The following CCDC7 variants were observed in gnomAD, a reference collection of about 807,000 sequenced individuals.
CCDC7 encodes the protein coiled-coil domain-containing protein 7.
CCDC7 carries 183 observed loss-of-function variants against 196.9 expected under a neutral mutation model. That is an observed-to-expected ratio of 0.93 (90% CI 0.82 to 1.05). The LOEUF (loss-of-function observed/expected upper bound fraction) is 1.05. Ranked by LOEUF, CCDC7 falls within the 50% of genes least tolerant of loss-of-function variation. The pLI is 0.00. For missense variants in CCDC7, 1,540 were observed against 1,482.2 expected (o/e 1.04, Z -0.64); for synonymous variants, 525 against 484.6 (o/e 1.08, Z -1.10).
intron 32 of CCDC7, among the ~76,000 whole-genome samples, chr10:32,828,409 G>A (rs987198988): frequency 1.4e-5 from 2 of 138,612 alleles, no homozygotes; most frequent in African/African-American, 2.7e-5. Flanking sequence ...AGAAGGAGAA[G>A]GAGAAGGAGA....
chr10:32,583,641 A>G (rs2058955052), intron 17 of CCDC7, among the ~76,000 whole-genome samples: 1 of 152,082 alleles, frequency 6.6e-6, no homozygotes, highest in African/African-American at 2.4e-5. Flanking sequence ...ATTTTTATAC[A>G]ATAAGATGAT....
chr10:32,531,962 A>G (rs1421012140), intron 11 of CCDC7, among the ~76,000 whole-genome samples: 1 of 152,012 alleles, frequency 6.6e-6, no homozygotes, highest in Non-Finnish European at 1.5e-5. Flanking sequence ...AAGGCTTATC[A>G]ATGTTGTTTA....
chr10:32,795,712 C>G (rs1271677806), intron 29 of CCDC7, among the ~76,000 whole-genome samples: 1 of 152,082 alleles, frequency 6.6e-6, no homozygotes, highest in Admixed American at 6.6e-5. Context: ...GATACATTTG[C>G]TTAGAGATTC....
At chr10:32,592,532 TTTTCA>T in intron 18 of CCDC7, among the ~76,000 whole-genome samples, 1 of 150,882 alleles carries the variant, frequency 6.6e-6, no homozygotes, top group East Asian at 2.0e-4. Context: ...TTTATTTTTG[TTTTCA>T]TTTATCTCAA....
intron 29 of CCDC7, among the ~76,000 whole-genome samples, chr10:32,801,818 G>A (rs886237558): frequency 2.0e-5 from 3 of 152,190 alleles, no homozygotes; most frequent in African/African-American, 7.2e-5. Flanking sequence ...TGATGGCAGC[G>A]TGGGTCATAG....
chr10:32,584,326 A>C (rs2059023790), intron 18 of CCDC7, 22 bp downstream of exon 19: 1 of 1,484,522 alleles, frequency 6.7e-7, no homozygotes, highest in African/African-American at 1.4e-5. Flanking sequence ...CTGTTTTGGA[A>C]GATGAAAATG....
intron 23 of CCDC7, among the ~76,000 whole-genome samples, chr10:32,692,633 T>C (rs931370165): frequency 8.5e-5 from 13 of 152,178 alleles, no homozygotes; most frequent in African/African-American, 2.9e-4. Context: ...CCCTGCTCTT[T>C]GTGGTAGTTT....
chr10:32,589,210 T>C (rs1190232236), intron 18 of CCDC7, among the ~76,000 whole-genome samples: 2 of 152,132 alleles, frequency 1.3e-5, no homozygotes, highest in African/African-American at 4.8e-5. Flanking sequence ...AGTTCAATTG[T>C]TTTAATTTTT....
intron 29 of CCDC7, among the ~76,000 whole-genome samples, chr10:32,803,459 C>T (rs1008297558): frequency 7.9e-5 from 12 of 151,932 alleles, no homozygotes; most frequent in Non-Finnish European, 7.4e-5. Context: ...TTGTTATATC[C>T]TCTCTCTGGA....
chr10:32,803,696 C>T (rs1407268602), intron 29 of CCDC7, among the ~76,000 whole-genome samples: 1 of 152,052 alleles, frequency 6.6e-6, no homozygotes, highest in African/African-American at 2.4e-5. Flanking sequence ...TTCTGTCTGT[C>T]TATATCTTTT....
At chr10:32,672,911 C>T (rs933834708) in intron 21 of CCDC7, among the ~76,000 whole-genome samples, 1 of 152,160 alleles carries the variant, frequency 6.6e-6, no homozygotes, top group Admixed American at 6.5e-5. Context: ...TTGCTATCTC[C>T]TCTGCCATCT....
At chr10:32,720,640 A>T (rs2082274972) in intron 25 of CCDC7, among the ~76,000 whole-genome samples, 1 of 152,166 alleles carries the variant, frequency 6.6e-6, no homozygotes, top group Non-Finnish European at 1.5e-5. Flanking sequence ...ATAGAATCTT[A>T]TGTAAACATC....
intron 23 of CCDC7, among the ~76,000 whole-genome samples, chr10:32,690,106 C>T (rs929324509): frequency 6.6e-6 from 1 of 152,140 alleles, no homozygotes; most frequent in African/African-American, 2.4e-5. Flanking sequence ...AGATGTCACC[C>T]CTTAGAAATC....
At chr10:32,449,424 G>T (rs2032382124), upstream of CCDC7, among the ~76,000 whole-genome samples, 1 of 152,120 alleles carries the variant, frequency 6.6e-6, no homozygotes, top group Non-Finnish European at 1.5e-5. Context: ...CTGACCTTGG[G>T]ATCCACCCGC....
chr10:32,462,062 C>T (rs2035860241), intron 3 of CCDC7, among the ~76,000 whole-genome samples: 1 of 151,662 alleles, frequency 6.6e-6, no homozygotes, highest in Admixed American at 6.6e-5. Flanking sequence ...ATGAGCCACC[C>T]CACCCAGCCT....
chr10:32,452,553 T>G (rs1273493226), intron 1 of CCDC7, among the ~76,000 whole-genome samples: 1 of 152,162 alleles, frequency 6.6e-6, no homozygotes, highest in Non-Finnish European at 1.5e-5. Flanking sequence ...TGCCTCCAGG[T>G]TTCAAGCAAT....
intron 8 of CCDC7, among the ~76,000 whole-genome samples, chr10:32,482,585 T>G (rs989935550): frequency 2.6e-5 from 4 of 152,296 alleles, no homozygotes; most frequent in Admixed American, 1.3e-4. Flanking sequence ...GCCATGTTGG[T>G]GTGCTGCACC....
chr10:32,709,469 T>TA (rs1001321849), intron 24 of CCDC7, among the ~76,000 whole-genome samples: 3 of 151,856 alleles, frequency 2.0e-5, no homozygotes, highest in African/African-American at 7.3e-5. Flanking sequence ...TAAAGTATAA[T>TA]AAAAAAATAA....
intron 28 of CCDC7, among the ~76,000 whole-genome samples, chr10:32,730,585 C>T (rs1399286839): frequency 6.6e-6 from 1 of 151,368 alleles, no homozygotes; most frequent in African/African-American, 2.4e-5. Context: ...ATATTTAATA[C>T]CCATGTATAT....
Sources: gnomAD v4.1 joint callset for allele counts (sites outside exome capture counted in the v4.1 genomes callset) on GRCh38, gnomAD v4.1.1 for gene constraint, MANE v1.5 for transcripts, NCBI Gene and HGNC (gene_info 2026-07-23, HGNC 2026-07-21) for gene names.